Variants in TRIM24 observed in about 807,000 individuals in gnomAD.
TRIM24 encodes the protein tripartite motif containing 24, also known as transcription intermediary factor 1-alpha.
A neutral mutation model predicts 123.9 loss-of-function variants in TRIM24; 29 were observed. The ratio of observed to expected loss-of-function variants is 0.23; its 90% confidence interval spans 0.17 to 0.32. The LOEUF is 0.32. TRIM24 is among the 10% of genes least tolerant of loss of function. TRIM24 has a pLI of 1.00. For synonymous variants in TRIM24, 456 were observed against 461.1 expected, an observed-to-expected ratio of 0.99 and a Z score of 0.14; for missense variants, 932 against 1,295.3, an observed-to-expected ratio of 0.72 and a Z score of 4.31.
chr7:138,573,778 C>G (rs1797702858), intron 12 of TRIM24, 136 bp downstream of exon 12: 1 of 1,026,306 alleles, frequency 9.7e-7, no homozygotes, highest in Non-Finnish European at 1.4e-6. Context: ...AGTATGCTTT[C>G]AGAGAAAACA....
intron 7 of TRIM24, 139 bp from the exon 8 acceptor site, chr7:138,550,924 T>C: frequency 5.0e-6 from 3 of 594,944 alleles, no homozygotes; most frequent in Non-Finnish European, 8.4e-6. Flanking sequence ...GGAAAGAAAA[T>C]TGTGTTGTAT....
chr7:138,504,444 G>GTTTTTTTTTTTTT (rs1563036659), intron 2 of TRIM24, 36 bp downstream of exon 2: 1 of 603,602 alleles, frequency 1.7e-6, no homozygotes, highest in Non-Finnish European at 2.5e-6. Flanking sequence ...TTGCCTGCCA[G>GTTTTTTTTTTTTT]CTCTTTTTTT....
chr7:138,461,130 G>C (rs1584676266), intron 1 of TRIM24: 1 of 698,576 alleles, frequency 1.4e-6, no homozygotes, highest in East Asian at 2.9e-5. Flanking sequence ...CTGTGGACTT[G>C]ACCGCGCCGC....
At chr7:138,475,392 T>C (rs1795375487) in intron 1 of TRIM24, among the ~76,000 whole-genome samples, 1 of 152,126 alleles carries the variant, frequency 6.6e-6, no homozygotes, top group South Asian at 2.1e-4. Flanking sequence ...ACAAATACAA[T>C]GAAATTATAT....
intron 6 of TRIM24, among the ~76,000 whole-genome samples, chr7:138,537,289 C>T (rs992297017): frequency 6.6e-6 from 1 of 151,784 alleles, no homozygotes; most frequent in African/African-American, 2.4e-5. Context: ...GCAGAAATCA[C>T]CCATCTTCTG....
chr7:138,517,340 C>T (rs924267617), intron 3 of TRIM24, among the ~76,000 whole-genome samples: 4 of 149,288 alleles, frequency 2.7e-5, no homozygotes, highest in Non-Finnish European at 4.4e-5. Flanking sequence ...CTCAGGTTAC[C>T]TTAGGGTTTT....
intron 7 of TRIM24, among the ~76,000 whole-genome samples, chr7:138,550,616 A>G (rs1797191928): frequency 6.6e-6 from 1 of 152,152 alleles, no homozygotes; most frequent in Non-Finnish European, 1.5e-5. Flanking sequence ...GCAGGAACAG[A>G]ACTGTAACAA....
At chr7:138,469,739 A>G (rs1450964020) in intron 1 of TRIM24, among the ~76,000 whole-genome samples, 2 of 152,200 alleles carry the variant, frequency 1.3e-5, no homozygotes, top group African/African-American at 4.8e-5. Flanking sequence ...CAGGTGAGGG[A>G]AGACATTAGA....
intron 1 of TRIM24, among the ~76,000 whole-genome samples, chr7:138,464,489 G>T (rs966971743): frequency 2.0e-5 from 3 of 151,884 alleles, no homozygotes; most frequent in Non-Finnish European, 4.4e-5. Flanking sequence ...GTACAAGCAG[G>T]GGGGCAGACT....
intron 12 of TRIM24, among the ~76,000 whole-genome samples, chr7:138,573,938 G>GT (rs1797707277): frequency 6.6e-6 from 1 of 152,182 alleles, no homozygotes; most frequent in Admixed American, 6.5e-5. Context: ...AGCTGGGACT[G>GT]TAAGTATGCT....
intron 17 of TRIM24, among the ~76,000 whole-genome samples, chr7:138,582,276 C>T (rs189247216): frequency 2.0e-5 from 3 of 152,286 alleles, no homozygotes; most frequent in African/African-American, 7.2e-5. Flanking sequence ...GGCGCGGTGG[C>T]TCACGCCTAT....
chr7:138,561,634 G>A (rs1198212562), intron 9 of TRIM24, among the ~76,000 whole-genome samples: 3 of 152,150 alleles, frequency 2.0e-5, no homozygotes, highest in Non-Finnish European at 4.4e-5. Context: ...CCATCCTAGT[G>A]CCACAGAATC....
Position 138,583,732 on chromosome 7 carries a change from A to G in TRIM24, c.2794-118A>G, listed in dbSNP as rs962370624. 3.9e-6 allele frequency: 3 copies of G among 762,140 alleles called. No homozygotes were observed. The African/African-American group carries it at 5.5e-5, about 14-fold the overall frequency. The allele number at this position is 762,140 out of a possible 1,614,324, so 47.2% of individuals were successfully genotyped here. On this transcript the variant is annotated intron_variant, in intron 17 of 18. Transcript: ENST00000343526. The stretch of plus-strand genomic sequence containing the variant: ...TTAAATGGGTTTCTTTACTAATGGC[A>G]AATAGCACAGAGAAAAGCAATGAGA...
intron 1 of TRIM24, among the ~76,000 whole-genome samples, chr7:138,502,124 G>T (rs1296978434): frequency 6.6e-6 from 1 of 152,136 alleles, no homozygotes; most frequent in Non-Finnish European, 1.5e-5. Flanking sequence ...AGCCTTAGAG[G>T]TCATACTTTG....
chr7:138,483,753 G>C (rs1269794828), intron 1 of TRIM24, among the ~76,000 whole-genome samples: 1 of 152,194 alleles, frequency 6.6e-6, no homozygotes, highest in Non-Finnish European at 1.5e-5. Flanking sequence ...GACTGTGGGA[G>C]GTAGCCTTTT....
intron 9 of TRIM24, among the ~76,000 whole-genome samples, chr7:138,564,493 T>TA (rs1797494223): frequency 6.6e-6 from 1 of 152,240 alleles, no homozygotes; most frequent in Non-Finnish European, 1.5e-5. Flanking sequence ...GCCCTTCCCA[T>TA]GACTTTTTCT....
At chr7:138,579,111 A>T (rs1014665375) in intron 14 of TRIM24, 93 bp from the exon 15 acceptor site, 36 of 1,010,286 alleles carry the variant, frequency 3.6e-5, no homozygotes, top group Non-Finnish European at 5.2e-5. Context: ...TGAAGCAGCC[A>T]GGTGCTCACC....
chr7:138,514,042 C>T (rs1029750146), intron 2 of TRIM24, among the ~76,000 whole-genome samples: 2 of 152,134 alleles, frequency 1.3e-5, no homozygotes, highest in African/African-American at 4.8e-5. Flanking sequence ...AAGGAATTCA[C>T]ATGATTTCTA....
At chr7:138,460,984 C>T (rs571932398) in intron 1 of TRIM24, 72 bp downstream of exon 1, 4 of 1,309,338 alleles carry the variant, frequency 3.1e-6, no homozygotes, top group Non-Finnish European at 3.9e-6. Flanking sequence ...TTGTGCGGCG[C>T]GACCCGCTGT....
Sources: gnomAD v4.1 joint callset for allele counts (sites outside exome capture counted in the v4.1 genomes callset) on GRCh38, gnomAD v4.1.1 for gene constraint, MANE v1.5 for transcripts, NCBI Gene and HGNC (gene_info 2026-07-23, HGNC 2026-07-21) for gene names.